GRHL2: variants seen among roughly 807,000 people sequenced by gnomAD.
The protein encoded by GRHL2 is grainyhead like transcription factor 2, also known as grainyhead-like protein 2 homolog.
GRHL2 carries 21 observed loss-of-function variants against 83.8 expected under a neutral mutation model. That is an observed-to-expected ratio of 0.25 (90% CI 0.18 to 0.36). The LOEUF (loss-of-function observed/expected upper bound fraction) is 0.36, where lower values mean the gene tolerates loss of function less well. GRHL2 is among the 10% of genes least tolerant of loss of function. The pLI, the probability that GRHL2 is intolerant of heterozygous loss-of-function variation, is 1.00. For missense variants in GRHL2, 623 were observed against 781.8 expected (o/e 0.80, Z 2.42); for synonymous variants, 280 against 278.9 (o/e 1.00, Z -0.04).
At chr8:101,500,156 G>A (rs1205612101) in intron 1 of GRHL2, among the ~76,000 whole-genome samples, 2 of 152,090 alleles carry the variant, frequency 1.3e-5, no homozygotes, top group African/African-American at 4.8e-5. Context: ...GGCCTAACCT[G>A]ATAAAGGGTA....
intron 1 of GRHL2, 34 bp downstream of exon 1, chr8:101,492,823 A>G (rs758840084): frequency 2.0e-5 from 32 of 1,608,692 alleles, no homozygotes; most frequent in Non-Finnish European, 2.6e-5. Context: ...TGCTGCTACT[A>G]CTACCACTTT....
intron 1 of GRHL2, among the ~76,000 whole-genome samples, chr8:101,526,632 G>A (rs1447887157): frequency 7.9e-6 from 1 of 127,034 alleles, no homozygotes. Flanking sequence ...GTTTATTTTT[G>A]AGAAGACATC....
rs1811195134 is a variant in GRHL2, at chr8:101,543,355, A to G, written c.135A>G (p.Thr45=). The change falls in exon 2 of 16, where the codon ACA becomes ACG. Residue 45 remains threonine (T), a synonymous_variant. Coordinates refer to ENST00000646743, the MANE Select transcript of GRHL2 (RefSeq NM_024915.4). ...AGTCATACTTGGAGAATCCCCTGAC[A>G]GCAGCCACCAAGGCCATGATGAGCA... ...AWKSYLENPL[T]AATKAMMSIN... 4 of 1,614,026 alleles carry G rather than the reference A, an allele frequency of 2.5e-6. No homozygotes were observed. In the Admixed American group the frequency reaches 5.0e-5, roughly 20 times the overall value.
At chr8:101,652,782 G>T (rs1813700200) in intron 14 of GRHL2, among the ~76,000 whole-genome samples, 1 of 152,030 alleles carries the variant, frequency 6.6e-6, no homozygotes, top group African/African-American at 2.4e-5. Context: ...CTAGCTCGTG[G>T]GATTGTTGTG....
intron 1 of GRHL2, among the ~76,000 whole-genome samples, chr8:101,518,185 A>G (rs111757009): frequency 9.2e-5 from 14 of 152,266 alleles, no homozygotes; most frequent in African/African-American, 3.4e-4. Context: ...CCTCCTTGTG[A>G]CTTTCCCTAT....
chr8:101,598,323 C>G (rs1007862582), intron 7 of GRHL2, among the ~76,000 whole-genome samples: 8 of 151,480 alleles, frequency 5.3e-5, no homozygotes, highest in African/African-American at 1.9e-4. Flanking sequence ...TCACTGCAGC[C>G]TCTGCCTCCC....
intron 3 of GRHL2, among the ~76,000 whole-genome samples, chr8:101,557,795 A>G (rs931835010): frequency 2.0e-5 from 3 of 152,042 alleles, no homozygotes; most frequent in Non-Finnish European, 2.9e-5. Context: ...ATGTTGTTTA[A>G]GTCATTCTTT....
In GRHL2 at chr8:101,534,826, C is replaced by T. The variant is rs574278943; in HGVS notation, c.21-8415C>T. Among the ~76,000 whole-genome samples, 4 of 152,310 alleles carry T rather than the reference C, an allele frequency of 2.6e-5. No individual in the cohort carries two copies. In the South Asian group the frequency reaches 8.3e-4, roughly 32 times the overall value. ...ACTAGAAGGGTAGAGTTTTCACCAA[C>T]AGAGACAGGAAAGGCTGAGGGCAGA... is the stretch of plus-strand genomic sequence containing the variant. On this transcript the variant is annotated intron_variant, in intron 1 of 15. Coordinates refer to ENST00000646743, the MANE Select transcript of GRHL2 (RefSeq NM_024915.4).
At chr8:101,640,912 T>G (rs2129653255) in intron 12 of GRHL2, among the ~76,000 whole-genome samples, 1 of 152,336 alleles carries the variant, frequency 6.6e-6, no homozygotes. Flanking sequence ...ATGATCTCCC[T>G]TGGAACCACC....
At chr8:101,644,961 C>T (rs1281277785) in intron 13 of GRHL2, among the ~76,000 whole-genome samples, 3 of 151,972 alleles carry the variant, frequency 2.0e-5, no homozygotes, top group Non-Finnish European at 4.4e-5. Flanking sequence ...TATCCTCCCA[C>T]CTCAGCCTCC....
At chr8:101,520,762 T>G (rs1325735695) in intron 1 of GRHL2, among the ~76,000 whole-genome samples, 1 of 152,226 alleles carries the variant, frequency 6.6e-6, no homozygotes, top group Non-Finnish European at 1.5e-5. Flanking sequence ...CATCAGACAC[T>G]GCCCTCTTCC....
chr8:101,535,624 C>T lies in GRHL2; in HGVS notation c.21-7617C>T, dbSNP rs146833063. ...CTTGATCTTGGCTCACTACAGCCTC[C>T]GCCTCCCAGGTTCAAGCAATTTTCC... On this transcript the variant is annotated intron_variant, in intron 1 of 15. Coordinates refer to ENST00000646743, the MANE Select transcript of GRHL2 (RefSeq NM_024915.4). Among the ~76,000 whole-genome samples the T allele has an allele frequency of 2.4e-3, 367 of 152,164 alleles. 13 individuals are homozygous for T. The East Asian group carries it at 0.06, about 25-fold the overall frequency.
chr8:101,523,455 A>G (rs1330014160), intron 1 of GRHL2, among the ~76,000 whole-genome samples: 1 of 144,462 alleles, frequency 6.9e-6, no homozygotes, highest in Non-Finnish European at 1.5e-5. Context: ...TCTTCAGTCC[A>G]GTACTTTTAT....
chr8:101,623,421 C>CACAGTGCACAGTAGG (rs1474563038), intron 9 of GRHL2, among the ~76,000 whole-genome samples: 1 of 149,908 alleles, frequency 6.7e-6, no homozygotes, highest in Non-Finnish European at 1.5e-5. Context: ...TAGAACAGTT[C>CACAGTGCACAGTAGG]ACAGTGCACA....
At chr8:101,663,251 T>C (rs767409149) in intron 14 of GRHL2, among the ~76,000 whole-genome samples, 39 of 152,224 alleles carry the variant, frequency 2.6e-4, no homozygotes, top group Non-Finnish European at 4.1e-4. Context: ...AGTAACAATA[T>C]GGAATATGAG....
chr8:101,578,853 G>C (rs1811986026), intron 7 of GRHL2, among the ~76,000 whole-genome samples: 1 of 152,208 alleles, frequency 6.6e-6, no homozygotes, highest in Non-Finnish European at 1.5e-5. Flanking sequence ...AGGATAGGGT[G>C]AGAGGCTCAC....
intron 1 of GRHL2, among the ~76,000 whole-genome samples, chr8:101,511,330 A>C (rs1810460325): frequency 6.6e-6 from 1 of 152,148 alleles, no homozygotes; most frequent in Non-Finnish European, 1.5e-5. Flanking sequence ...GCTCTCCAAA[A>C]ATGCTACTTG....
At chr8:101,568,252 A>C (rs1397708726) in intron 4 of GRHL2, among the ~76,000 whole-genome samples, 4 of 152,270 alleles carry the variant, frequency 2.6e-5, no homozygotes, top group Non-Finnish European at 4.4e-5. Context: ...CATATTGGGC[A>C]GCAGGACCTA....
At chr8:101,512,733 G>A (rs1810490676) in intron 1 of GRHL2, among the ~76,000 whole-genome samples, 2 of 152,194 alleles carry the variant, frequency 1.3e-5, no homozygotes, top group African/African-American at 4.8e-5. Context: ...CGCTGGTCGG[G>A]ATTGGCAGAG....
Sources: allele counts gnomAD v4.1 joint callset (sites outside exome capture counted in the v4.1 genomes callset), GRCh38; gene constraint gnomAD v4.1.1; transcripts MANE v1.5; gene names NCBI Gene and HGNC (gene_info 2026-07-23, HGNC 2026-07-21).